The following NUFIP2 variants were observed in gnomAD, a reference collection of about 807,000 sequenced individuals.
NUFIP2 encodes nuclear FMR1 interacting protein 2.
A neutral mutation model predicts 56.9 loss-of-function variants in NUFIP2; 6 were observed. That is an observed-to-expected ratio of 0.11 (90% CI 0.06 to 0.21). The LOEUF is 0.21. NUFIP2 is among the 10% of genes least tolerant of loss of function. The pLI is 1.00. For missense variants in NUFIP2, 828 were observed against 826.8 expected, an observed-to-expected ratio of 1.00 and a Z score of -0.02; for synonymous variants, 321 against 298.2, an observed-to-expected ratio of 1.08 and a Z score of -0.79.
rs2068985836 is a variant in NUFIP2 at position 29,258,871 on chromosome 17, G to C, written c.*5668C>G. 6.6e-6 allele frequency: 1 copy of C among 152,114 alleles called. No homozygotes were observed. Among genetic ancestry groups the C allele is most frequent in the Admixed American group, 6.6e-5 (1 of 15,266 alleles). The allele number at this position is 152,114 out of a possible 1,614,324, so 9.4% of individuals were successfully genotyped here. On this transcript the variant is annotated 3_prime_UTR_variant, in exon 4 of 4. Coordinates refer to ENST00000225388, the MANE Select transcript of NUFIP2 (RefSeq NM_020772.3). ...TCTCATAGCAGCAGGATTAATCTAA[G>C]ACAGAAAACAGTTGTATTTTCATTC...
intron 2 of NUFIP2, among the ~76,000 whole-genome samples, chr17:29,268,569 G>A (rs550707224): frequency 6.6e-6 from 1 of 152,158 alleles, no homozygotes; most frequent in African/African-American, 2.4e-5. Flanking sequence ...CCAGGCTGGA[G>A]CGCAATGGCA....
rs1449593316 is a variant in NUFIP2 at position 29,259,907 on chromosome 17, T to C, written c.*4632A>G. 1.3e-5 allele frequency: 2 copies of C among 152,156 alleles called. No individual in the cohort carries two copies. The highest frequency in any genetic ancestry group is 4.8e-5 in the African/African-American group (2 of 41,438). The allele number at this position is 152,156 out of a possible 1,614,324, so 9.4% of individuals were successfully genotyped here. On this transcript the variant is annotated 3_prime_UTR_variant, in exon 4 of 4. Transcript: ENST00000225388. Reference sequence around the variant, plus strand: ...TTTAAAACTCAGTAAAGCAATGCTTTTGAGTGGAGCCAATGATTCATCACT... The same window carrying C: ...TTTAAAACTCAGTAAAGCAATGCTTCTGAGTGGAGCCAATGATTCATCACT...
chr17:29,267,869 C>G (rs1177816795), intron 2 of NUFIP2, among the ~76,000 whole-genome samples: 2 of 152,222 alleles, frequency 1.3e-5, no homozygotes, highest in East Asian at 3.9e-4. Flanking sequence ...CAGGCTGGTC[C>G]TCCTGCCTCA....
intron 2 of NUFIP2, among the ~76,000 whole-genome samples, chr17:29,284,012 G>A (rs565010222): frequency 7.9e-5 from 12 of 152,184 alleles, no homozygotes; most frequent in Non-Finnish European, 1.3e-4. Flanking sequence ...ATAAGGAAAC[G>A]TATGCAGACT....
intron 2 of NUFIP2, among the ~76,000 whole-genome samples, chr17:29,278,146 TAAG>T (rs770040397): frequency 1.2e-4 from 19 of 152,208 alleles, no homozygotes; most frequent in African/African-American, 3.6e-4. Flanking sequence ...CAATCCAGGA[TAAG>T]AAGAATTATC....
intron 2 of NUFIP2, among the ~76,000 whole-genome samples, chr17:29,267,740 G>A (rs554202854): frequency 6.6e-6 from 1 of 152,026 alleles, no homozygotes; most frequent in Non-Finnish European, 1.5e-5. Context: ...CTCTGTTACT[G>A]CAGCCTCAAA....
rs762488323 is a variant in NUFIP2, at chr17:29,286,920, A to G, written c.1074T>C (p.Tyr358=). 6.8e-6 allele frequency: 11 copies of G among 1,614,054 alleles called. No individual in the cohort carries two copies. In the Admixed American group the frequency reaches 1.0e-4, roughly 15 times the overall value. The stretch of plus-strand genomic sequence containing the variant: ...TGAGGTTTTCCTTAACTTTGCTTGC[A>G]TAACTTATTTTAGGAACTATTTTAG... The part of the protein sequence containing the change: ...SSAKIVPKIS[Y]ASKVKENLNK... Residue 358 remains tyrosine (Y), a synonymous_variant, in exon 2 of 4, where the codon TAT becomes TAC. Coordinates refer to ENST00000225388, the MANE Select transcript of NUFIP2 (RefSeq NM_020772.3).
intron 2 of NUFIP2, among the ~76,000 whole-genome samples, chr17:29,276,131 T>C (rs2069107027): frequency 6.6e-6 from 1 of 151,862 alleles, no homozygotes; most frequent in Non-Finnish European, 1.5e-5. Flanking sequence ...TGAAATTGAA[T>C]TTGTGTCTCC....
intron 2 of NUFIP2, among the ~76,000 whole-genome samples, chr17:29,283,498 G>A (rs1490008704): frequency 6.6e-6 from 1 of 151,970 alleles, no homozygotes; most frequent in Non-Finnish European, 1.5e-5. Flanking sequence ...GCCCAGGCTG[G>A]TCTCAAATTC....
Position 29,294,080 on chromosome 17 carries a change from T to G in NUFIP2, c.-21A>C, listed in dbSNP as rs769272702. 26 of 1,576,396 alleles carry G rather than the reference T, an allele frequency of 1.6e-5. 2 individuals are homozygous for G. In the Admixed American group the frequency reaches 4.0e-4, roughly 24 times the overall value. On this transcript the variant is annotated 5_prime_UTR_variant, in exon 1 of 4. Transcript: ENST00000225388. ...TCCATTGAAAGCGGCTGGGACTCCC[T>G]GGCTGAGGCTGCGGGCTGCTGCACC...
intron 2 of NUFIP2, among the ~76,000 whole-genome samples, chr17:29,273,451 C>T (rs965431143): frequency 3.3e-5 from 5 of 152,084 alleles, no homozygotes; most frequent in Non-Finnish European, 7.4e-5. Flanking sequence ...GGACTACAGG[C>T]GTGAGCCATC....
At chr17:29,278,929 A>G (rs1459951817) in intron 2 of NUFIP2, among the ~76,000 whole-genome samples, 1 of 152,216 alleles carries the variant, frequency 6.6e-6, no homozygotes, top group Non-Finnish European at 1.5e-5. Context: ...ATCCCATATT[A>G]GGAATTATTT....
At chr17:29,293,416 G>C (rs1399794308) in intron 1 of NUFIP2, among the ~76,000 whole-genome samples, 1 of 152,072 alleles carries the variant, frequency 6.6e-6, no homozygotes, top group East Asian at 1.9e-4. Flanking sequence ...TTTTTTGGGG[G>C]GGTAGGTTTA....
In NUFIP2 at chr17:29,293,955, ATGG is replaced by A. The variant is rs1567684019; in HGVS notation, c.102_104del (p.His35del). On this transcript the variant is annotated inframe_deletion, in exon 1 of 4. Transcript: ENST00000225388. ...TGTGGCTGTGGTTGTAGAAATAATA[ATGG>A]TGGTGGTGGTGCGGCTGCTGCTGCT... 2 of 1,612,266 alleles carry A rather than the reference ATGG, an allele frequency of 1.2e-6. No homozygotes were observed. Among genetic ancestry groups the A allele is most frequent in the South Asian group, 1.1e-5 (1 of 91,024 alleles).
rs200721235 is a variant in NUFIP2 at position 29,264,391 on chromosome 17, GTA to G, written c.*146_*147del. 166 of 208,472 alleles carry G rather than the reference GTA, an allele frequency of 8.0e-4. No individual in the cohort carries two copies. Among genetic ancestry groups the G allele is most frequent in the East Asian group, 1.3e-3 (12 of 9,108 alleles). The allele number at this position is 208,472 out of a possible 1,614,324, so 12.9% of individuals were successfully genotyped here. A position where few individuals can be genotyped will look rare whatever the true frequency, so the allele number is the denominator to read the frequency against. On this transcript the variant is annotated 3_prime_UTR_variant, in exon 4 of 4. Transcript: ENST00000225388. ...TTTAAATAACTATATATATATATAT[GTA>G]TATATATATATTTGTATATATTATC...
At chr17:29,288,670 G>A (rs750804622) in intron 1 of NUFIP2, among the ~76,000 whole-genome samples, 2 of 151,948 alleles carry the variant, frequency 1.3e-5, no homozygotes, top group East Asian at 1.9e-4. Flanking sequence ...AAGACTTTAA[G>A]AGAGATGAAG....
rs148373297 is a variant in NUFIP2, at chr17:29,275,196, A to T, written c.2003-7666T>A. Among the ~76,000 whole-genome samples, 538 of 151,516 alleles carry T rather than the reference A, an allele frequency of 3.6e-3. 1 individual carries two copies. Among genetic ancestry groups the T allele is most frequent in the African/African-American group, 0.012 (515 of 41,286 alleles). ...CCATCATACCCGGCTAATTTTTTGTATTTTTTTTGTACATACAGGGTTTCA... is the reference window on the plus strand; with the variant it reads ...CCATCATACCCGGCTAATTTTTTGTTTTTTTTTTGTACATACAGGGTTTCA... On this transcript the variant is annotated intron_variant, in intron 2 of 3. Transcript: ENST00000225388.
Position 29,264,327 on chromosome 17 carries a change from T to C in NUFIP2, c.*212A>G. 1 of 187,392 alleles carries C rather than the reference T, an allele frequency of 5.3e-6. No homozygotes were observed. The highest frequency in any genetic ancestry group is 1.1e-5 in the Non-Finnish European group (1 of 93,308). 11.6% of individuals were successfully genotyped at this position (187,392 alleles called of 1,614,324 possible). On this transcript the variant is annotated 3_prime_UTR_variant, in exon 4 of 4. Transcript: ENST00000225388. ...CCATGTGTAGTCTCTTGAAATAAAT[T>C]TGATTCCTTAAGAAGTCTAATTACT...
intron 2 of NUFIP2, among the ~76,000 whole-genome samples, chr17:29,276,449 TAG>T (rs998639279): frequency 6.6e-6 from 1 of 151,916 alleles, no homozygotes; most frequent in Non-Finnish European, 1.5e-5. Context: ...TCTCCTGCCT[TAG>T]TCTCCTGAGT....
Sources: gnomAD v4.1 joint callset for allele counts (sites outside exome capture counted in the v4.1 genomes callset) on GRCh38, gnomAD v4.1.1 for gene constraint, MANE v1.5 for transcripts, NCBI Gene and HGNC (gene_info 2026-07-23, HGNC 2026-07-21) for gene names.